The following SCFD2 variants were observed in gnomAD, a reference collection of about 807,000 sequenced individuals.
SCFD2 encodes sec1 family domain containing 2.
SCFD2 carries 54 observed loss-of-function variants against 58.9 expected under a neutral mutation model. The observed-to-expected ratio is 0.92, with a 90% confidence interval of 0.74 to 1.15. The LOEUF is 1.15. Among genes scored for constraint, SCFD2 ranks in the 50% most tolerant of loss-of-function variants. The pLI is 0.00. For missense variants in SCFD2, 805 were observed against 836.6 expected, an observed-to-expected ratio of 0.96 and a Z score of 0.47; for synonymous variants, 321 against 335.9, an observed-to-expected ratio of 0.96 and a Z score of 0.49.
At chr4:53,150,576 T>C (rs573597530) in intron 4 of SCFD2, among the ~76,000 whole-genome samples, 1 of 152,320 alleles carries the variant, frequency 6.6e-6, no homozygotes, top group Non-Finnish European at 1.5e-5. Context: ...AGGCAGAAGA[T>C]AGAATCTCAA....
At position 53,210,654 on chromosome 4, in the gene SCFD2, TTAA is replaced by T. The variant is rs573428124; in HGVS notation, c.1311+63169_1311+63171del. Among the ~76,000 whole-genome samples the T allele has an allele frequency of 6.6e-4, 100 of 152,296 alleles. 1 individual carries two copies. The highest frequency in any genetic ancestry group is 5.9e-4 in the Admixed American group (9 of 15,304). ...TCATATATATTTATTTCTATTTTTA[TTAA>T]TAACGTGCATTATTCTTTTTAATAA... On this transcript the variant is annotated intron_variant, in intron 4 of 8. Coordinates refer to ENST00000401642, the MANE Select transcript of SCFD2 (RefSeq NM_152540.4).
chr4:53,126,242 T>C (rs545227417), intron 5 of SCFD2, among the ~76,000 whole-genome samples: 35 of 152,310 alleles, frequency 2.3e-4, no homozygotes, highest in Non-Finnish European at 4.6e-4. Flanking sequence ...TAATAATCGG[T>C]TGAAAGGAGA....
chr4:53,128,049 TAAAAAAA>T (rs34739040), intron 5 of SCFD2, among the ~76,000 whole-genome samples: 1 of 111,380 alleles, frequency 9.0e-6, no homozygotes, highest in African/African-American at 3.5e-5. Flanking sequence ...GGCCATGTCC[TAAAAAAA>T]AAAAAAAAAA....
chr4:53,136,560 C>A (rs188775793), intron 5 of SCFD2, among the ~76,000 whole-genome samples: 36 of 152,326 alleles, frequency 2.4e-4, no homozygotes, highest in African/African-American at 8.2e-4. Flanking sequence ...GATTTAGACA[C>A]AATACCATAT....
chr4:53,211,807 C>T (rs762565027), intron 4 of SCFD2, among the ~76,000 whole-genome samples: 5 of 151,976 alleles, frequency 3.3e-5, no homozygotes, highest in African/African-American at 9.7e-5. Context: ...TAAATTTTTC[C>T]ATTTTATTTC....
At chr4:53,085,755 G>T (rs940050096) in intron 5 of SCFD2, among the ~76,000 whole-genome samples, 1 of 152,062 alleles carries the variant, frequency 6.6e-6, no homozygotes, top group Non-Finnish European at 1.5e-5. Flanking sequence ...ACTCATTTTT[G>T]ACAAAGGTGC....
intron 7 of SCFD2, among the ~76,000 whole-genome samples, chr4:52,900,180 C>T (rs1385810238): frequency 6.6e-6 from 1 of 152,162 alleles, no homozygotes; most frequent in African/African-American, 2.4e-5. Flanking sequence ...CAGTTTTGTT[C>T]CGTTGCTGGT....
intron 5 of SCFD2, among the ~76,000 whole-genome samples, chr4:53,084,195 G>A (rs1295453093): frequency 6.6e-6 from 1 of 152,070 alleles, no homozygotes; most frequent in Admixed American, 6.6e-5. Flanking sequence ...CATTCCCAGA[G>A]TGGCCGTTTA....
chr4:53,307,682 A>G (rs779357928), intron 3 of SCFD2, among the ~76,000 whole-genome samples: 1 of 152,184 alleles, frequency 6.6e-6, no homozygotes, highest in South Asian at 2.1e-4. Flanking sequence ...GAAATTATTA[A>G]AACTTACAAA....
At chr4:53,213,489 G>C (rs1728692083) in intron 4 of SCFD2, among the ~76,000 whole-genome samples, 1 of 152,044 alleles carries the variant, frequency 6.6e-6, no homozygotes, top group South Asian at 2.1e-4. Context: ...TTTCAGTCAT[G>C]CTCTGTAAAA....
chr4:53,094,478 T>C (rs1457291779), intron 5 of SCFD2, among the ~76,000 whole-genome samples: 1 of 152,064 alleles, frequency 6.6e-6, no homozygotes, highest in Non-Finnish European at 1.5e-5. Flanking sequence ...CATTGGATTA[T>C]CGCCCACCTA....
chr4:52,897,870 T>C (rs1041270638), intron 7 of SCFD2, among the ~76,000 whole-genome samples: 6 of 152,350 alleles, frequency 3.9e-5, no homozygotes, highest in African/African-American at 1.4e-4. Context: ...AACTTCTTCC[T>C]GGTTTAGTCT....
At chr4:53,217,710 C>T (rs912601992) in intron 4 of SCFD2, among the ~76,000 whole-genome samples, 1 of 152,098 alleles carries the variant, frequency 6.6e-6, no homozygotes, top group African/African-American at 2.4e-5. Flanking sequence ...TATTTTGCTC[C>T]TTAGTTGATG....
chr4:53,024,817 C>T (rs931209760), intron 5 of SCFD2, among the ~76,000 whole-genome samples: 4 of 151,684 alleles, frequency 2.6e-5, no homozygotes, highest in Non-Finnish European at 5.9e-5. Context: ...GTTACCACCT[C>T]AATCATCACA....
chr4:53,299,847 A>C (rs1560435763), intron 3 of SCFD2, among the ~76,000 whole-genome samples: 1 of 152,180 alleles, frequency 6.6e-6, no homozygotes, highest in Non-Finnish European at 1.5e-5. Context: ...CAGCCAAACT[A>C]AGCTTCATAA....
intron 2 of SCFD2, among the ~76,000 whole-genome samples, chr4:53,326,099 T>C (rs2149124919): frequency 6.6e-6 from 1 of 152,314 alleles, no homozygotes; most frequent in African/African-American, 2.4e-5. Context: ...AAACATTTCA[T>C]AGATTTCAAC....
intron 2 of SCFD2, among the ~76,000 whole-genome samples, chr4:53,328,524 T>G (rs1733291528): frequency 6.6e-6 from 1 of 152,096 alleles, no homozygotes; most frequent in Non-Finnish European, 1.5e-5. Context: ...TAATAAAAAA[T>G]GAGTTATAAC....
chr4:53,301,212 TAAA>T (rs1032786875), intron 3 of SCFD2, among the ~76,000 whole-genome samples: 1 of 151,360 alleles, frequency 6.6e-6, no homozygotes, highest in African/African-American at 2.4e-5. Context: ...GCAAGACTAA[TAAA>T]GAAGAAAAGA....
intron 8 of SCFD2, among the ~76,000 whole-genome samples, chr4:52,874,505 G>A (rs951404592): frequency 7.9e-5 from 12 of 152,228 alleles, no homozygotes; most frequent in Non-Finnish European, 1.6e-4. Flanking sequence ...CATCCAGGAG[G>A]TGGATGTTGT....
Sources: allele counts gnomAD v4.1 joint callset (sites outside exome capture counted in the v4.1 genomes callset), GRCh38; gene constraint gnomAD v4.1.1; transcripts MANE v1.5; gene names NCBI Gene and HGNC (gene_info 2026-07-23, HGNC 2026-07-21).